The following HIP1 variants were observed in gnomAD, a reference collection of about 807,000 sequenced individuals.
HIP1 encodes the protein huntingtin-interacting protein 1.
A neutral mutation model predicts 147.6 loss-of-function variants in HIP1; 65 were observed. The observed-to-expected ratio is 0.44, with a 90% CI of 0.36 to 0.54. HIP1 has a LOEUF of 0.54. Ranked by LOEUF, HIP1 falls within the 20% of genes least tolerant of loss-of-function variation. The probability of loss-of-function intolerance (pLI) is 0.00; values close to 1 mark genes in which losing one functional copy is unlikely to be tolerated. For synonymous variants in HIP1, 479 were observed against 504.0 expected, an observed-to-expected ratio of 0.95 and a Z score of 0.67; for missense variants, 1,061 against 1,299.6, an observed-to-expected ratio of 0.82 and a Z score of 2.82.
chr7:75,668,243 G>A (rs74566505), intron 1 of HIP1, among the ~76,000 whole-genome samples: 1,809 of 152,302 alleles, frequency 0.012, 18 homozygotes, highest in Non-Finnish European at 0.019. Context: ...CCTCAGTGGC[G>A]AGGGTCGGGG....
At chr7:75,701,100 T>C (rs1165873921) in intron 1 of HIP1, among the ~76,000 whole-genome samples, 1 of 152,072 alleles carries the variant, frequency 6.6e-6, no homozygotes, top group Non-Finnish European at 1.5e-5. Context: ...CTCATAAAAA[T>C]GCTACCAAGG....
At chr7:75,619,624 A>T (rs1337160875) in intron 1 of HIP1, among the ~76,000 whole-genome samples, 1 of 152,184 alleles carries the variant, frequency 6.6e-6, no homozygotes, top group Non-Finnish European at 1.5e-5. Context: ...AGCTCAGACA[A>T]GTATACCTTG....
chr7:75,694,355 G>T (rs753703830), intron 1 of HIP1, among the ~76,000 whole-genome samples: 26 of 152,186 alleles, frequency 1.7e-4, no homozygotes, highest in African/African-American at 6.3e-4. Flanking sequence ...CTGGGCATGC[G>T]TGGTCGGCAG....
intron 1 of HIP1, among the ~76,000 whole-genome samples, chr7:75,727,984 G>A (rs142827452): frequency 2.0e-4 from 30 of 152,290 alleles, no homozygotes; most frequent in African/African-American, 7.0e-4. Flanking sequence ...GACAAGCCAG[G>A]TTCAAACCTC....
rs140409882 is a variant in HIP1, at chr7:75,657,895, T to TACACACACAC, written c.121-58658_121-58649dup. Among the ~76,000 whole-genome samples the TACACACACAC allele has an allele frequency of 5.9e-5, 9 of 151,528 alleles. 1 individual carries two copies. Among genetic ancestry groups the TACACACACAC allele is most frequent in the African/African-American group, 2.2e-4 (9 of 41,326 alleles). On this transcript the variant is annotated intron_variant, in intron 1 of 30. Transcript: ENST00000336926. ...GTACCCCCTGAATCTAGAATTTAAA[T>TACACACACAC]ACACACACACACACGCACATACACA...
At chr7:75,672,028 C>G (rs1400135391) in intron 1 of HIP1, among the ~76,000 whole-genome samples, 2 of 152,152 alleles carry the variant, frequency 1.3e-5, no homozygotes, top group African/African-American at 4.8e-5. Context: ...AGCCACTGTG[C>G]CTGGCCAATT....
At chr7:75,655,122 C>G (rs1799107757) in intron 1 of HIP1, among the ~76,000 whole-genome samples, 1 of 152,236 alleles carries the variant, frequency 6.6e-6, no homozygotes, top group Non-Finnish European at 1.5e-5. Context: ...TTATTCACAA[C>G]AGCCAAAAGG....
chr7:75,696,920 T>TA (rs1800658614), intron 1 of HIP1, among the ~76,000 whole-genome samples: 1 of 151,662 alleles, frequency 6.6e-6, no homozygotes, highest in Non-Finnish European at 1.5e-5. Context: ...CTCACTTGCA[T>TA]ATTTCTGAGT....
intron 1 of HIP1, among the ~76,000 whole-genome samples, chr7:75,630,686 A>T (rs1157915261): frequency 4.6e-5 from 7 of 152,010 alleles, no homozygotes; most frequent in African/African-American, 1.7e-4. Context: ...ACCCTTCCTT[A>T]AGTTGCCGGC....
rs587666276 is a variant in HIP1, at chr7:75,628,234, T to C, written c.121-28987A>G. On this transcript the variant is annotated intron_variant, in intron 1 of 30. Coordinates refer to ENST00000336926, the MANE Select transcript of HIP1 (RefSeq NM_005338.7). The stretch of plus-strand genomic sequence containing the variant: ...AGGCAGGAATCTTTGTTTGGTTCAG[T>C]GAAGTATCCCAAGTGCTTGGAACAG... 3.9e-5 allele frequency among the ~76,000 whole-genome samples: 6 copies of C among 152,266 alleles called. No homozygotes were observed. The South Asian group carries it at 1.2e-3, about 32-fold the overall frequency.
intron 1 of HIP1, among the ~76,000 whole-genome samples, chr7:75,635,912 A>C (rs1056229229): frequency 3.3e-5 from 5 of 150,624 alleles, no homozygotes; most frequent in African/African-American, 1.2e-4. Flanking sequence ...AATCCCAGCT[A>C]CCCAGGAGGC....
Position 75,544,805 on chromosome 7 carries a change from T to C in HIP1, c.2661-5A>G. The C allele has an allele frequency of 2.5e-6, 4 of 1,583,708 alleles. No homozygotes were observed. Among genetic ancestry groups the C allele is most frequent in the African/African-American group, 2.7e-5 (2 of 74,548 alleles). On this transcript the variant is annotated splice_polypyrimidine_tract_variant and splice_region_variant and intron_variant, in intron 26 of 30. Transcript: ENST00000336926. ...ACCACCAGATCAGCTGCATCCCTGA[T>C]GGAAAACGACAAGAGGGACTAGGTT...
At chr7:75,620,438 T>C (rs1287301278) in intron 1 of HIP1, among the ~76,000 whole-genome samples, 1 of 134,492 alleles carries the variant, frequency 7.4e-6, no homozygotes, top group Non-Finnish European at 1.6e-5. Context: ...TGTAATCCCA[T>C]CACTTTGGGA....
chr7:75,712,650 T>A (rs553536103), intron 1 of HIP1, among the ~76,000 whole-genome samples: 1 of 152,252 alleles, frequency 6.6e-6, no homozygotes, highest in African/African-American at 2.4e-5. Context: ...ATTTACTCCC[T>A]CATACACATA....
rs199986021 is a variant in HIP1, at chr7:75,556,185, C to G, written c.1684-16G>C. 1.9e-6 allele frequency: 3 copies of G among 1,613,042 alleles called. No homozygotes were observed. Among genetic ancestry groups the G allele is most frequent in the Admixed American group, 1.7e-5 (1 of 59,878 alleles). ...TTGCTTCTGACTGCAAAGGTGACCACAAGGAAAGAGGGAGACGCTGGTTGA... is the reference window on the plus strand; with the variant it reads ...TTGCTTCTGACTGCAAAGGTGACCAGAAGGAAAGAGGGAGACGCTGGTTGA... On this transcript the variant is annotated splice_polypyrimidine_tract_variant and intron_variant, in intron 17 of 30. Transcript: ENST00000336926.
intron 1 of HIP1, among the ~76,000 whole-genome samples, chr7:75,664,789 T>G (rs1418536518): frequency 6.6e-6 from 1 of 152,038 alleles, no homozygotes; most frequent in Admixed American, 6.6e-5. Flanking sequence ...TCCGACTAAT[T>G]TTTGTATTTT....
chr7:75,663,979 TATGTGTATATATATACACA>T (rs1799409299), intron 1 of HIP1, among the ~76,000 whole-genome samples: 1 of 13,944 alleles, frequency 7.2e-5, no homozygotes, highest in East Asian at 2.4e-3. Context: ...TATACACATA[TATGTGTATATATATACACA>T]TATATGTGTA....
intron 1 of HIP1, among the ~76,000 whole-genome samples, chr7:75,721,263 G>C (rs1216439779): frequency 6.6e-6 from 1 of 151,926 alleles, no homozygotes; most frequent in African/African-American, 2.4e-5. Context: ...TGTAATCCCA[G>C]CTCCTCAGGA....
chr7:75,543,383 C>T (rs754713158), intron 27 of HIP1, among the ~76,000 whole-genome samples: 10 of 152,102 alleles, frequency 6.6e-5, no homozygotes, highest in Non-Finnish European at 1.3e-4. Flanking sequence ...ACAGAGTTTG[C>T]TCTTGTTGCT....
Sources: gnomAD v4.1 joint callset for allele counts (sites outside exome capture counted in the v4.1 genomes callset) on GRCh38, gnomAD v4.1.1 for gene constraint, MANE v1.5 for transcripts, NCBI Gene and HGNC (gene_info 2026-07-23, HGNC 2026-07-21) for gene names.